Variants in SCN8A observed in about 807,000 individuals in gnomAD.
SCN8A encodes the protein sodium channel protein type 8 subunit alpha.
A neutral mutation model predicts 184.1 loss-of-function variants in SCN8A; 30 were observed. The ratio of observed to expected loss-of-function variants is 0.16; its 90% CI spans 0.12 to 0.22. The LOEUF (loss-of-function observed/expected upper bound fraction) is 0.22, where lower values mean the gene tolerates loss of function less well. Among genes scored for constraint, SCN8A ranks in the 10% least tolerant of loss-of-function variants. The probability of loss-of-function intolerance (pLI) is 1.00; values close to 1 mark genes in which losing one functional copy is unlikely to be tolerated. For missense variants in SCN8A, 1,057 were observed against 2,498.9 expected (o/e 0.42, Z 12.30); for synonymous variants, 852 against 907.0 (o/e 0.94, Z 1.09).
At chr12:51,602,658 A>C (rs539420114) in intron 1 of SCN8A, among the ~76,000 whole-genome samples, 1 of 152,304 alleles carries the variant, frequency 6.6e-6, no homozygotes, top group Admixed American at 6.5e-5. Flanking sequence ...AAAACAAAAA[A>C]TAGAGTATGG....
At chr12:51,704,221 T>C (rs1034604987) in intron 9 of SCN8A, among the ~76,000 whole-genome samples, 3 of 152,024 alleles carry the variant, frequency 2.0e-5, no homozygotes, top group Admixed American at 6.6e-5. Flanking sequence ...AGAATAAAGA[T>C]GAAAACTGTG....
chr12:51,703,047 G>T (rs1286296789), intron 9 of SCN8A, 133 bp downstream of exon 9: 2 of 864,032 alleles, frequency 2.3e-6, no homozygotes, highest in South Asian at 2.7e-5. Flanking sequence ...CAGTCAGCTG[G>T]TTTTTGATAT....
chr12:51,747,772 T>C (rs989942579), intron 13 of SCN8A, among the ~76,000 whole-genome samples: 12 of 152,112 alleles, frequency 7.9e-5, no homozygotes, highest in Non-Finnish European at 1.5e-4. Context: ...TTGGGACGTT[T>C]TAAAATTCTC....
chr12:51,597,963 A>G (rs1939384723), intron 1 of SCN8A, among the ~76,000 whole-genome samples: 2 of 152,190 alleles, frequency 1.3e-5, no homozygotes. Flanking sequence ...ATTGCAGGAA[A>G]AAAATCAAGC....
intron 1 of SCN8A, among the ~76,000 whole-genome samples, chr12:51,616,700 G>T (rs985039697): frequency 6.6e-6 from 1 of 151,982 alleles, no homozygotes; most frequent in African/African-American, 2.4e-5. Context: ...TGGGAGGACT[G>T]CCTGAGCCCA....
At chr12:51,736,634 A>C (rs989423672) in intron 12 of SCN8A, among the ~76,000 whole-genome samples, 2 of 152,332 alleles carry the variant, frequency 1.3e-5, no homozygotes, top group East Asian at 3.9e-4. Context: ...CCTTCAGTCA[A>C]AGGTCCTGGA....
intron 15 of SCN8A, among the ~76,000 whole-genome samples, chr12:51,764,987 G>A (rs540088199): frequency 9.9e-5 from 15 of 151,912 alleles, no homozygotes; most frequent in African/African-American, 3.4e-4. Context: ...TGTTGGCCAG[G>A]CTGGTCTCGA....
chr12:51,689,199 C>T lies in SCN8A; in HGVS notation c.706+103C>T, dbSNP rs1019450911. 3 of 871,834 alleles carry T rather than the reference C, an allele frequency of 3.4e-6. No homozygotes were observed. In the African/African-American group the frequency reaches 5.0e-5, roughly 15 times the overall value. 54.0% of individuals were successfully genotyped at this position (871,834 alleles called of 1,614,324 possible). The stretch of plus-strand genomic sequence containing the variant: ...GCAGCATCAGTACAGTTGATAATGG[C>T]CTTGCATTCTGCATGTTTTTCCTGG... On this transcript the variant is annotated intron_variant, in intron 6 of 26. Transcript: ENST00000627620.
Position 51,599,221 on chromosome 12 carries a change from T to C in SCN8A, c.-55+7862T>C, listed in dbSNP as rs111760467. Among the ~76,000 whole-genome samples, 1,207 of 152,326 alleles carry C rather than the reference T, an allele frequency of 7.9e-3. 10 individuals are homozygous for C. Among genetic ancestry groups the C allele is most frequent in the African/African-American group, 0.027 (1,118 of 41,574 alleles). On this transcript the variant is annotated intron_variant, in intron 1 of 26. Coordinates refer to ENST00000627620, the MANE Select transcript of SCN8A (RefSeq NM_001330260.2). ...TAGACCTTATGTTCTAGGAGCTTAT[T>C]TATTTTGTGAAATAAGTCATAAACA...
At chr12:51,691,362 G>T (rs1379049280) in intron 6 of SCN8A, among the ~76,000 whole-genome samples, 1 of 152,012 alleles carries the variant, frequency 6.6e-6, no homozygotes, top group Admixed American at 6.6e-5. Flanking sequence ...TGGCATTTCT[G>T]CAAGATAACT....
At chr12:51,800,066 T>C (rs1938512415) in intron 26 of SCN8A, among the ~76,000 whole-genome samples, 1 of 152,202 alleles carries the variant, frequency 6.6e-6, no homozygotes, top group African/African-American at 2.4e-5. Flanking sequence ...GCGATCAAGA[T>C]CTCTGCGAGC....
At chr12:51,697,163 T>C (rs1195288426) in intron 6 of SCN8A, among the ~76,000 whole-genome samples, 1 of 151,768 alleles carries the variant, frequency 6.6e-6, no homozygotes, top group East Asian at 1.9e-4. Context: ...AGGAGAAAAA[T>C]AATCAGATTA....
chr12:51,789,603 A>G (rs530734306), intron 24 of SCN8A, among the ~76,000 whole-genome samples, 185 bp downstream of exon 24: 105 of 152,274 alleles, frequency 6.9e-4, no homozygotes, highest in African/African-American at 2.5e-3. Context: ...TGGATTTTGC[A>G]GCATGTAGTT....
intron 14 of SCN8A, among the ~76,000 whole-genome samples, chr12:51,757,922 A>G (rs1240759648): frequency 6.6e-6 from 1 of 152,248 alleles, no homozygotes; most frequent in Non-Finnish European, 1.5e-5. Flanking sequence ...TCTTAAATAA[A>G]AGTGCTATGT....
chr12:51,712,954 C>T lies in SCN8A; in HGVS notation c.1635+6239C>T, dbSNP rs1941905423. ...GCAACCCATAAAATTGCCAGATCCA[C>T]CTCCACGACCTGTCCGTGATCCAGC... On this transcript the variant is annotated intron_variant, in intron 11 of 26. Transcript: ENST00000627620. 12 of 1,593,184 alleles carry T rather than the reference C, an allele frequency of 7.5e-6. No homozygotes were observed. In the South Asian group the frequency reaches 9.9e-5, roughly 13 times the overall value.
chr12:51,743,868 G>A (rs1162554794), intron 12 of SCN8A, among the ~76,000 whole-genome samples: 1 of 152,158 alleles, frequency 6.6e-6, no homozygotes, highest in Non-Finnish European at 1.5e-5. Flanking sequence ...GTCCAAGGTG[G>A]GTGGATCACC....
At chr12:51,643,073 A>G (rs1197834750) in intron 1 of SCN8A, among the ~76,000 whole-genome samples, 1 of 152,104 alleles carries the variant, frequency 6.6e-6, no homozygotes, top group Non-Finnish European at 1.5e-5. Context: ...TTTCACAGTA[A>G]TCTTTTTTGG....
rs1941917108 is a variant in SCN8A, at chr12:51,713,574, C to T, written c.1635+6859C>T. On this transcript the variant is annotated intron_variant, in intron 11 of 26. Coordinates refer to ENST00000627620, the MANE Select transcript of SCN8A (RefSeq NM_001330260.2). ...GGCAATGTCGACGGCTGGAGTCGGA[C>T]TGGGGGCGACCAGGCGGTGGTTTTA... The T allele has an allele frequency of 1.7e-4, 117 of 708,184 alleles. 2 individuals carry two copies. In the South Asian group the frequency reaches 1.7e-3, roughly 10 times the overall value. 43.9% of individuals were successfully genotyped at this position (708,184 alleles called of 1,614,324 possible). A position where few individuals can be genotyped will look rare whatever the true frequency, so the allele number is the denominator to read the frequency against.
At chr12:51,618,339 C>G (rs569307792) in intron 1 of SCN8A, among the ~76,000 whole-genome samples, 1 of 152,140 alleles carries the variant, frequency 6.6e-6, no homozygotes, top group Non-Finnish European at 1.5e-5. Flanking sequence ...TAGGGGCTCC[C>G]TTTTCTGTTT....
Sources: gnomAD v4.1 joint callset for allele counts (sites outside exome capture counted in the v4.1 genomes callset) on GRCh38, gnomAD v4.1.1 for gene constraint, MANE v1.5 for transcripts, NCBI Gene and HGNC (gene_info 2026-07-23, HGNC 2026-07-21) for gene names.